Variants in CCDC172 observed in about 807,000 individuals in gnomAD.
CCDC172 encodes coiled-coil domain containing 172.
A neutral mutation model predicts 38.0 loss-of-function variants in CCDC172; 30 were observed. The observed-to-expected ratio is 0.79, with a 90% CI of 0.59 to 1.07. The LOEUF (loss-of-function observed/expected upper bound fraction) is 1.07, where lower values mean the gene tolerates loss of function less well. Among genes scored for constraint, CCDC172 ranks in the 50% least tolerant of loss-of-function variants. The pLI, the probability that CCDC172 is intolerant of heterozygous loss-of-function variation, is 0.00. For synonymous variants in CCDC172, 78 were observed against 88.3 expected (o/e 0.88, Z 0.66); for missense variants, 297 against 290.1 (o/e 1.02, Z -0.17).
chr10:116,376,237 AT>A (rs1845242303), intron 7 of CCDC172, among the ~76,000 whole-genome samples: 1 of 152,176 alleles, frequency 6.6e-6, no homozygotes, highest in African/African-American at 2.4e-5. Context: ...CATCCAGGAA[AT>A]GCCACTGATC....
chr10:116,374,665 A>G (rs1845225046), intron 7 of CCDC172, among the ~76,000 whole-genome samples: 1 of 152,066 alleles, frequency 6.6e-6, no homozygotes, highest in African/African-American at 2.4e-5. Flanking sequence ...AAAGTCCAAA[A>G]GCAGGTAGAA....
chr10:116,343,104 G>A (rs1433991031), intron 5 of CCDC172, among the ~76,000 whole-genome samples: 2 of 152,158 alleles, frequency 1.3e-5, no homozygotes, highest in East Asian at 3.8e-4. Context: ...AGTAGGGAAA[G>A]TCAAGGATAA....
At chr10:116,350,857 A>G (rs1382532907) in intron 5 of CCDC172, among the ~76,000 whole-genome samples, 2 of 152,184 alleles carry the variant, frequency 1.3e-5, no homozygotes, top group Non-Finnish European at 2.9e-5. Flanking sequence ...GGAAGAAATT[A>G]AAAAGTGATT....
At chr10:116,360,986 C>T (rs1437760248) in intron 7 of CCDC172, among the ~76,000 whole-genome samples, 1 of 151,500 alleles carries the variant, frequency 6.6e-6, no homozygotes, top group Non-Finnish European at 1.5e-5. Flanking sequence ...AGATTTCAGG[C>T]AGGAAAGAAG....
chr10:116,338,396 A>G (rs1333150132), intron 3 of CCDC172, among the ~76,000 whole-genome samples: 1 of 152,160 alleles, frequency 6.6e-6, no homozygotes, highest in East Asian at 1.9e-4. Flanking sequence ...GAAGTAAACA[A>G]TAAAGACAGA....
intron 5 of CCDC172, among the ~76,000 whole-genome samples, chr10:116,351,977 C>CT (rs959194940): frequency 2.6e-5 from 4 of 152,070 alleles, no homozygotes; most frequent in African/African-American, 7.2e-5. Flanking sequence ...CCTCTTGAGT[C>CT]TTTGGATGTA....
At chr10:116,364,257 T>C (rs1845097585) in intron 7 of CCDC172, among the ~76,000 whole-genome samples, 1 of 152,164 alleles carries the variant, frequency 6.6e-6, no homozygotes, top group Admixed American at 6.5e-5. Flanking sequence ...AAATATTATT[T>C]AGTCTATCAA....
intron 3 of CCDC172, among the ~76,000 whole-genome samples, chr10:116,339,289 A>G (rs886836884): frequency 1.3e-5 from 2 of 151,956 alleles, no homozygotes; most frequent in African/African-American, 4.8e-5. Context: ...CTAATTAGTT[A>G]TATAGCCTTT....
At chr10:116,346,656 G>GAA (rs71010078) in intron 5 of CCDC172, among the ~76,000 whole-genome samples, 50,608 of 148,116 alleles carry the variant, frequency 0.34, 9,810 homozygotes, top group Non-Finnish European at 0.45. Context: ...TTAAAATTAA[G>GAA]AAAAAAAAAA....
At chr10:116,330,768 C>A (rs1329784989) in intron 3 of CCDC172, among the ~76,000 whole-genome samples, 1 of 152,126 alleles carries the variant, frequency 6.6e-6, no homozygotes, top group Non-Finnish European at 1.5e-5. Context: ...GAGTCTCACT[C>A]TGTTACCCAG....
At chr10:116,335,183 TC>T in intron 3 of CCDC172, among the ~76,000 whole-genome samples, 1 of 152,074 alleles carries the variant, frequency 6.6e-6, no homozygotes, top group East Asian at 1.9e-4. Context: ...AATATCTTTT[TC>T]TAATACTTTT....
At position 116,331,393 on chromosome 10, in the gene CCDC172, A is replaced by G. The variant is rs555852028; in HGVS notation, c.165+6005A>G. 1.8e-4 allele frequency among the ~76,000 whole-genome samples: 28 copies of G among 152,182 alleles called. No homozygotes were observed. In the South Asian group the frequency reaches 5.6e-3, roughly 30 times the overall value. Reference sequence around the variant, plus strand: ...AGCATTACCATCTCTCCCTGTCTCTATGCTGTGTGATATGTACCACCTCTT... The same window carrying G: ...AGCATTACCATCTCTCCCTGTCTCTGTGCTGTGTGATATGTACCACCTCTT... On this transcript the variant is annotated intron_variant, in intron 3 of 8. Coordinates refer to ENST00000333254, the MANE Select transcript of CCDC172 (RefSeq NM_198515.3).
rs549660534 is a variant in CCDC172, at chr10:116,324,689, C to G, written c.-66+76C>G. On this transcript the variant is annotated intron_variant, in intron 1 of 8. Coordinates refer to ENST00000333254, the MANE Select transcript of CCDC172 (RefSeq NM_198515.3). Reference sequence around the variant, plus strand: ...GGGACGGAGGCCTGAGTCAGGGGTTCCGCCAGGGAAAAAGGCAGACCTTGA... The same window carrying G: ...GGGACGGAGGCCTGAGTCAGGGGTTGCGCCAGGGAAAAAGGCAGACCTTGA... The G allele has an allele frequency of 4.4e-5, 12 of 270,720 alleles. No individual in the cohort carries two copies. In the South Asian group the frequency reaches 9.0e-4, roughly 20 times the overall value. The allele number at this position is 270,720 out of a possible 1,614,324, so 16.8% of individuals were successfully genotyped here.
chr10:116,347,517 G>A (rs1013308611), intron 5 of CCDC172, among the ~76,000 whole-genome samples: 7 of 152,076 alleles, frequency 4.6e-5, no homozygotes, highest in African/African-American at 1.7e-4. Context: ...AGTTGGAAAA[G>A]CATATGATTG....
intron 3 of CCDC172, among the ~76,000 whole-genome samples, chr10:116,328,637 T>G (rs1844619947): frequency 6.6e-6 from 1 of 152,154 alleles, no homozygotes; most frequent in Admixed American, 6.5e-5. Context: ...AATTTTAACT[T>G]GTGTAAACAC....
chr10:116,341,139 G>C (rs1460100281), intron 4 of CCDC172, among the ~76,000 whole-genome samples: 2 of 151,984 alleles, frequency 1.3e-5, no homozygotes, highest in Non-Finnish European at 2.9e-5. Context: ...GGATAAAATC[G>C]TTTTGAAAGG....
At chr10:116,338,871 A>G (rs1454487421) in intron 3 of CCDC172, among the ~76,000 whole-genome samples, 2 of 151,854 alleles carry the variant, frequency 1.3e-5, no homozygotes, top group Non-Finnish European at 2.9e-5. Context: ...TAGATCTTTT[A>G]CAACAGATCA....
chr10:116,354,792 G>C (rs561634303), intron 5 of CCDC172, among the ~76,000 whole-genome samples: 6 of 152,332 alleles, frequency 3.9e-5, no homozygotes, highest in African/African-American at 1.2e-4. Context: ...TTGCCCCTGA[G>C]GGCCTTCCAG....
At chr10:116,370,525 T>C (rs1845174650) in intron 7 of CCDC172, among the ~76,000 whole-genome samples, 1 of 151,974 alleles carries the variant, frequency 6.6e-6, no homozygotes. Context: ...TAGATTTCCA[T>C]TTATACTTTA....
Sources: allele counts gnomAD v4.1 joint callset (sites outside exome capture counted in the v4.1 genomes callset), GRCh38; gene constraint gnomAD v4.1.1; transcripts MANE v1.5; gene names NCBI Gene and HGNC (gene_info 2026-07-23, HGNC 2026-07-21).